Variants in SAMD8 observed in about 807,000 individuals in gnomAD.
SAMD8 encodes the protein sphingomyelin synthase-related protein 1.
In SAMD8, 20 loss-of-function variants were observed where a neutral mutation model predicts 42.0. The observed-to-expected ratio is 0.48, with a 90% CI of 0.34 to 0.69. The LOEUF (loss-of-function observed/expected upper bound fraction) is 0.69. SAMD8 is among the 30% of genes least tolerant of loss of function. SAMD8 has a pLI of 0.01. For synonymous variants in SAMD8, 162 were observed against 173.0 expected, an observed-to-expected ratio of 0.94 and a Z score of 0.50; for missense variants, 328 against 511.6, an observed-to-expected ratio of 0.64 and a Z score of 3.46.
intron 2 of SAMD8, among the ~76,000 whole-genome samples, chr10:75,161,959 A>G (rs916109455): frequency 2.0e-5 from 3 of 151,956 alleles, no homozygotes; most frequent in African/African-American, 7.3e-5. Context: ...AATTGCTTGA[A>G]CCCAGGAGGC....
chr10:75,105,918 C>A, intron 1 of SAMD8: 1 of 1,519,490 alleles, frequency 6.6e-7, no homozygotes, highest in South Asian at 1.2e-5. Flanking sequence ...CCGGCCCACC[C>A]ACGGGCTGGG....
intron 1 of SAMD8, among the ~76,000 whole-genome samples, chr10:75,142,837 A>C (rs1840051237): frequency 6.6e-6 from 1 of 151,924 alleles, no homozygotes; most frequent in Non-Finnish European, 1.5e-5. Flanking sequence ...GAAAAACCAA[A>C]CAAAACATCA....
chr10:75,120,323 G>A (rs1848975083), intron 1 of SAMD8, among the ~76,000 whole-genome samples: 1 of 152,094 alleles, frequency 6.6e-6, no homozygotes, highest in Admixed American at 6.6e-5. Context: ...CCAGGCTGGA[G>A]TGCAGTGGCA....
chr10:75,108,747 G>T (rs902936339), upstream of SAMD8, among the ~76,000 whole-genome samples: 2 of 152,084 alleles, frequency 1.3e-5, no homozygotes, highest in South Asian at 4.1e-4. Context: ...CTCTACACTT[G>T]ACAGTTGTCC....
At chr10:75,108,329 A>C, upstream of SAMD8, 1 of 1,455,514 alleles carries the variant, frequency 6.9e-7, no homozygotes, top group Non-Finnish European at 9.0e-7. Flanking sequence ...GTCCAACCCC[A>C]GCAAGCTCCA....
intron 4 of SAMD8, among the ~76,000 whole-genome samples, chr10:75,171,801 G>T (rs1479930339): frequency 1.3e-5 from 2 of 152,104 alleles, no homozygotes; most frequent in African/African-American, 4.8e-5. Flanking sequence ...AAGGTGGGCG[G>T]ATCACTTGAG....
intron 2 of SAMD8, among the ~76,000 whole-genome samples, chr10:75,158,542 A>C (rs934328082): frequency 6.6e-6 from 1 of 152,118 alleles, no homozygotes; most frequent in African/African-American, 2.4e-5. Context: ...CAGTGAGCCG[A>C]GATCATGCCA....
At chr10:75,119,821 C>T (rs1848964349) in intron 1 of SAMD8, among the ~76,000 whole-genome samples, 1 of 152,140 alleles carries the variant, frequency 6.6e-6, no homozygotes, top group Non-Finnish European at 1.5e-5. Context: ...ATCTCAGCAC[C>T]TTGGGAGGCC....
At chr10:75,151,988 C>T (rs1404253729) in intron 2 of SAMD8, among the ~76,000 whole-genome samples, 2 of 151,768 alleles carry the variant, frequency 1.3e-5, no homozygotes, top group Non-Finnish European at 2.9e-5. Context: ...CGCGCTTGGC[C>T]AGGTACTTTA....
rs189978443 is a variant in SAMD8, at chr10:75,138,633, A to C, written c.-15-11881A>C. Among the ~76,000 whole-genome samples, 516 of 152,306 alleles carry C rather than the reference A, an allele frequency of 3.4e-3. 2 individuals carry two copies. Among genetic ancestry groups the C allele is most frequent in the African/African-American group, 0.011 (478 of 41,572 alleles). On this transcript the variant is annotated intron_variant, in intron 1 of 5. Coordinates refer to ENST00000542569, the MANE Select transcript of SAMD8 (RefSeq NM_001174156.2). ...TGGATATAAGAATATAATAGAAAAT[A>C]TACTGAGTTCTTTTGCTCTTAGGCT...
chr10:75,158,634 G>T (rs74532614), intron 2 of SAMD8, among the ~76,000 whole-genome samples: 9 of 152,126 alleles, frequency 5.9e-5, no homozygotes, highest in Non-Finnish European at 1.2e-4. Context: ...GGGTTTTAGT[G>T]TATTTACAAA....
At position 75,127,187 on chromosome 10, in the gene SAMD8, C is replaced by CAA. The variant is rs11441219; in HGVS notation, c.-16+15482_-16+15483dup. Among the ~76,000 whole-genome samples, 1,142 of 116,868 alleles carry CAA rather than the reference C, an allele frequency of 9.8e-3. 8 individuals are homozygous for CAA. The highest frequency in any genetic ancestry group is 0.027 in the African/African-American group (886 of 33,234). 76.7% of individuals were successfully genotyped at this position (116,868 alleles called of 152,430 possible). ...CTGGGCACAGAGCGAGACTCTGTCT[C>CAA]AAAAAAAAAAAAAAAAAATCTTTGT... On this transcript the variant is annotated intron_variant, in intron 1 of 5. Transcript: ENST00000542569.
chr10:75,128,195 C>T (rs1488733611), intron 1 of SAMD8, among the ~76,000 whole-genome samples: 1 of 151,456 alleles, frequency 6.6e-6, no homozygotes, highest in Non-Finnish European at 1.5e-5. Flanking sequence ...ACCTCAGCCT[C>T]CCGAGTAGCT....
upstream of SAMD8, among the ~76,000 whole-genome samples, chr10:75,107,288 G>A (rs917831822): frequency 6.6e-6 from 1 of 151,768 alleles, no homozygotes; most frequent in African/African-American, 2.4e-5. Flanking sequence ...CCAGGAGGCG[G>A]AGGAGCAGAG....
upstream of SAMD8, among the ~76,000 whole-genome samples, chr10:75,110,044 C>T (rs1031599356): frequency 6.6e-6 from 1 of 152,166 alleles, no homozygotes; most frequent in Non-Finnish European, 1.5e-5. Context: ...TCTTGAACTC[C>T]TACCTCAAGT....
At chr10:75,167,157 A>G (rs1840703926) in intron 3 of SAMD8, among the ~76,000 whole-genome samples, 1 of 152,234 alleles carries the variant, frequency 6.6e-6, no homozygotes. Flanking sequence ...TACTTGATAT[A>G]AACATTTTTT....
chr10:75,107,126 A>G (rs535897456), upstream of SAMD8, among the ~76,000 whole-genome samples: 1 of 152,324 alleles, frequency 6.6e-6, no homozygotes, highest in African/African-American at 2.4e-5. Flanking sequence ...ACTTGAGGTT[A>G]GGAGTTCGAG....
intron 1 of SAMD8, among the ~76,000 whole-genome samples, chr10:75,116,396 T>C (rs1384891698): frequency 1.3e-5 from 2 of 152,044 alleles, no homozygotes; most frequent in African/African-American, 4.8e-5. Flanking sequence ...GTGAGTGTCT[T>C]AAATTTTTGA....
At chr10:75,110,976 C>T (rs1320828878), upstream of SAMD8, among the ~76,000 whole-genome samples, 1 of 152,038 alleles carries the variant, frequency 6.6e-6, no homozygotes, top group Non-Finnish European at 1.5e-5. Flanking sequence ...CCACCACGCC[C>T]GGCTAATTTT....
Sources: gnomAD v4.1 joint callset for allele counts (sites outside exome capture counted in the v4.1 genomes callset) on GRCh38, gnomAD v4.1.1 for gene constraint, MANE v1.5 for transcripts, NCBI Gene and HGNC (gene_info 2026-07-23, HGNC 2026-07-21) for gene names.